Variants in MAMDC2 observed in about 807,000 individuals in gnomAD.
MAMDC2 encodes the protein MAM domain containing 2.
Under a neutral mutation model 89.8 loss-of-function variants are expected in MAMDC2, and 57 were observed. The ratio of observed to expected loss-of-function variants is 0.63; its 90% CI spans 0.51 to 0.79. The LOEUF is 0.79. Ranked by LOEUF, MAMDC2 falls within the 30% of genes least tolerant of loss-of-function variation. The probability of loss-of-function intolerance (pLI) is 0.00; values close to 1 mark genes in which losing one functional copy is unlikely to be tolerated. For synonymous variants in MAMDC2, 313 were observed against 293.4 expected (o/e 1.07, Z -0.68); for missense variants, 800 against 820.6 (o/e 0.97, Z 0.31).
intron 11 of MAMDC2, among the ~76,000 whole-genome samples, chr9:70,197,396 T>A (rs184928328): frequency 2.6e-4 from 39 of 152,228 alleles, no homozygotes; most frequent in African/African-American, 9.1e-4. Context: ...TTTGCCAACA[T>A]ACTTGATGAA....
At chr9:70,205,073 C>A (rs2033195805) in intron 11 of MAMDC2, among the ~76,000 whole-genome samples, 1 of 152,222 alleles carries the variant, frequency 6.6e-6, no homozygotes. Context: ...GCCATCTTGG[C>A]TCCTCCCCGC....
At chr9:70,085,564 T>C (rs1827751711) in intron 2 of MAMDC2, among the ~76,000 whole-genome samples, 1 of 152,098 alleles carries the variant, frequency 6.6e-6, no homozygotes. Context: ...ACGCCATCTG[T>C]GTTTCCCAGT....
intron 6 of MAMDC2, among the ~76,000 whole-genome samples, chr9:70,126,751 C>T (rs1192904600): frequency 1.3e-5 from 2 of 152,144 alleles, no homozygotes; most frequent in Admixed American, 6.5e-5. Flanking sequence ...GAGATCAGAA[C>T]CCTCCAAGTA....
At chr9:70,066,383 A>G (rs1303806855) in intron 2 of MAMDC2, among the ~76,000 whole-genome samples, 1 of 152,234 alleles carries the variant, frequency 6.6e-6, no homozygotes, top group African/African-American at 2.4e-5. Flanking sequence ...AGGCCAGAGC[A>G]CTTAGGAACT....
intron 5 of MAMDC2, among the ~76,000 whole-genome samples, chr9:70,117,609 T>A (rs1020231620): frequency 2.0e-5 from 3 of 151,754 alleles, no homozygotes; most frequent in African/African-American, 2.4e-5. Context: ...AGTATAATTT[T>A]AAAAAAATGA....
chr9:70,074,756 G>A (rs948818972), intron 2 of MAMDC2, among the ~76,000 whole-genome samples: 1 of 152,188 alleles, frequency 6.6e-6, no homozygotes, highest in Non-Finnish European at 1.5e-5. Context: ...AAATCATCAT[G>A]ACAGGTCAAG....
intron 7 of MAMDC2, among the ~76,000 whole-genome samples, chr9:70,137,793 G>A (rs776797359): frequency 3.3e-5 from 5 of 152,092 alleles, no homozygotes; most frequent in African/African-American, 4.8e-5. Flanking sequence ...TGGCTGCACC[G>A]ACTGTATCCC....
intron 11 of MAMDC2, among the ~76,000 whole-genome samples, chr9:70,193,562 A>G (rs936717044): frequency 6.6e-6 from 1 of 152,076 alleles, no homozygotes. Context: ...TGTCTTGCTC[A>G]TTTATTGCAT....
chr9:70,108,182 C>G (rs751363915), intron 2 of MAMDC2, 29 bp from the exon 3 acceptor site: 2 of 1,507,046 alleles, frequency 1.3e-6, no homozygotes, highest in Non-Finnish European at 1.8e-6. Context: ...AAAAATTGAT[C>G]CTTTTCCTAT....
chr9:70,109,712 T>G lies in MAMDC2; in HGVS notation c.421-8T>G. The G allele has an allele frequency of 6.2e-7, 1 of 1,607,704 alleles. No homozygotes were observed. Among genetic ancestry groups the G allele is most frequent in the Middle Eastern group, 1.7e-4 (1 of 6,038 alleles). On this transcript the variant is annotated splice_polypyrimidine_tract_variant and splice_region_variant and intron_variant, in intron 3 of 13. Transcript: ENST00000377182. ...TCTAACTCCCCTTCTTCCCCATATG[T>G]TGTGCAGATTTTAATAGAAGGTGTA...
chr9:70,143,098 A>C (rs912057804), intron 8 of MAMDC2, among the ~76,000 whole-genome samples: 3 of 152,314 alleles, frequency 2.0e-5, no homozygotes, highest in African/African-American at 7.2e-5. Context: ...TTCCACAAAG[A>C]CTGCCAGGCC....
At chr9:70,075,526 T>G (rs1827511389) in intron 2 of MAMDC2, among the ~76,000 whole-genome samples, 1 of 152,210 alleles carries the variant, frequency 6.6e-6, no homozygotes, top group South Asian at 2.1e-4. Flanking sequence ...TTAAAAGTTT[T>G]AAGGTACAAT....
chr9:70,077,218 A>G (rs1827551316), intron 2 of MAMDC2, among the ~76,000 whole-genome samples: 2 of 152,232 alleles, frequency 1.3e-5, no homozygotes, highest in Admixed American at 6.5e-5. Context: ...GAAAAAGTAT[A>G]AATTGATCAC....
At chr9:70,147,224 C>T (rs1191880222) in intron 9 of MAMDC2, among the ~76,000 whole-genome samples, 1 of 150,320 alleles carries the variant, frequency 6.7e-6, no homozygotes, top group African/African-American at 2.5e-5. Context: ...TGCCACTGTG[C>T]TCCAGCCTGG....
At chr9:70,113,168 T>A in intron 5 of MAMDC2, 36 bp downstream of exon 5, 1 of 1,609,336 alleles carries the variant, frequency 6.2e-7, no homozygotes, top group Non-Finnish European at 8.5e-7. Flanking sequence ...TTTCCCAGGA[T>A]AAATTTTTCT....
intron 8 of MAMDC2, among the ~76,000 whole-genome samples, chr9:70,140,857 T>C (rs1241417743): frequency 3.3e-5 from 5 of 152,212 alleles, no homozygotes; most frequent in African/African-American, 4.8e-5. Flanking sequence ...TATTAAAAAA[T>C]GTTGAGTGGA....
chr9:70,107,983 G>C (rs891444349), intron 2 of MAMDC2, among the ~76,000 whole-genome samples: 1 of 152,152 alleles, frequency 6.6e-6, no homozygotes, highest in African/African-American at 2.4e-5. Flanking sequence ...CCTCTGAAGA[G>C]GCAGCACCAC....
intron 2 of MAMDC2, among the ~76,000 whole-genome samples, chr9:70,096,173 ATGCCTG>A (rs1396551346): frequency 2.0e-5 from 3 of 152,100 alleles, no homozygotes; most frequent in African/African-American, 7.2e-5. Context: ...CACAGGTGCC[ATGCCTG>A]GCTAATTTTT....
chr9:70,082,263 GAATA>G (rs1216878328), intron 2 of MAMDC2, among the ~76,000 whole-genome samples: 3 of 152,090 alleles, frequency 2.0e-5, no homozygotes, highest in Non-Finnish European at 2.9e-5. Context: ...AGAGAACATG[GAATA>G]ATAATATCCT....
Sources: gnomAD v4.1 joint callset for allele counts (sites outside exome capture counted in the v4.1 genomes callset) on GRCh38, gnomAD v4.1.1 for gene constraint, MANE v1.5 for transcripts, NCBI Gene and HGNC (gene_info 2026-07-23, HGNC 2026-07-21) for gene names.